The following CDH12 variants were observed in gnomAD, a reference collection of about 807,000 sequenced individuals.
The protein encoded by CDH12 is cadherin-12.
In CDH12, 41 loss-of-function variants were observed where a neutral mutation model predicts 74.1. The ratio of observed to expected loss-of-function variants is 0.55; its 90% CI spans 0.43 to 0.72. CDH12 has a LOEUF of 0.72. Ranked by LOEUF, CDH12 falls within the 30% of genes least tolerant of loss-of-function variation. CDH12 has a pLI of 0.00. For missense variants in CDH12, 945 were observed against 977.2 expected, an observed-to-expected ratio of 0.97 and a Z score of 0.44; for synonymous variants, 399 against 355.0, an observed-to-expected ratio of 1.12 and a Z score of -1.39.
intron 4 of CDH12, among the ~76,000 whole-genome samples, chr5:22,166,356 T>C (rs1371708830): frequency 6.6e-6 from 1 of 152,202 alleles, no homozygotes; most frequent in East Asian, 1.9e-4. Flanking sequence ...TAGCTGTTCA[T>C]TTATATTGGA....
At chr5:22,188,806 G>A (rs1314867743) in intron 4 of CDH12, among the ~76,000 whole-genome samples, 5 of 152,158 alleles carry the variant, frequency 3.3e-5, no homozygotes, top group Admixed American at 6.5e-5. Flanking sequence ...TGGGAGGCAT[G>A]GATTCTGTAA....
At chr5:21,979,707 G>T (rs1757223593) in intron 5 of CDH12, among the ~76,000 whole-genome samples, 1 of 151,850 alleles carries the variant, frequency 6.6e-6, no homozygotes, top group African/African-American at 2.4e-5. Context: ...TTGGGAGAAG[G>T]AACAATTGAT....
At chr5:22,043,303 A>G (rs1739702444) in intron 5 of CDH12, among the ~76,000 whole-genome samples, 2 of 152,326 alleles carry the variant, frequency 1.3e-5, no homozygotes, top group South Asian at 2.1e-4. Context: ...ATGCAAATCA[A>G]TAAAGGTGAT....
At chr5:22,133,702 A>C (rs2150289822) in intron 4 of CDH12, among the ~76,000 whole-genome samples, 1 of 152,242 alleles carries the variant, frequency 6.6e-6, no homozygotes, top group East Asian at 1.9e-4. Flanking sequence ...TGGATAAGTA[A>C]AATGGTTAAA....
intron 1 of CDH12, among the ~76,000 whole-genome samples, chr5:22,519,947 TATAAA>T (rs1047552460): frequency 1.2e-4 from 19 of 152,192 alleles, no homozygotes; most frequent in African/African-American, 4.6e-4. Context: ...TATTCGTTCT[TATAAA>T]ATAATAGACT....
intron 1 of CDH12, among the ~76,000 whole-genome samples, chr5:22,767,044 CTT>C (rs376409298): frequency 5.3e-5 from 8 of 152,022 alleles, no homozygotes; most frequent in East Asian, 1.9e-4. Context: ...TCAGAACACA[CTT>C]ATATACTTTT....
At chr5:22,466,776 C>CTTTTTTTTTT (rs70959733) in intron 2 of CDH12, among the ~76,000 whole-genome samples, 2 of 50,968 alleles carry the variant, frequency 3.9e-5, no homozygotes, top group Non-Finnish European at 6.6e-5. Context: ...CCTCAGGAAT[C>CTTTTTTTTTT]TTTTTTTTTT....
chr5:22,489,001 AT>A (rs1359704645), intron 2 of CDH12, among the ~76,000 whole-genome samples: 2 of 126,168 alleles, frequency 1.6e-5, no homozygotes, highest in East Asian at 2.4e-4. Context: ...TATGACAGCC[AT>A]TTTTTTTCTA....
intron 1 of CDH12, among the ~76,000 whole-genome samples, chr5:22,607,789 C>T (rs1006315986): frequency 1.3e-5 from 2 of 152,218 alleles, no homozygotes; most frequent in Non-Finnish European, 2.9e-5. Flanking sequence ...TCAAAGAGGC[C>T]AACGTACAGC....
chr5:22,523,156 T>C (rs1737125458), intron 1 of CDH12, among the ~76,000 whole-genome samples: 1 of 152,198 alleles, frequency 6.6e-6, no homozygotes, highest in Non-Finnish European at 1.5e-5. Flanking sequence ...TTCTTAGCTT[T>C]TCTTTATCTT....
intron 2 of CDH12, among the ~76,000 whole-genome samples, chr5:22,482,248 G>C (rs1048593337): frequency 2.0e-5 from 3 of 152,144 alleles, no homozygotes; most frequent in Non-Finnish European, 2.9e-5. Context: ...GGATTCTGAA[G>C]CATAATCCAG....
intron 1 of CDH12, among the ~76,000 whole-genome samples, chr5:22,803,334 A>C (rs1446778529): frequency 6.6e-6 from 1 of 152,156 alleles, no homozygotes; most frequent in East Asian, 1.9e-4. Flanking sequence ...GAATTCAGTA[A>C]AATTTCTAAA....
In CDH12 at chr5:22,287,654, C is replaced by T. The variant is rs1343466353; in HGVS notation, c.-332-75011G>A. On this transcript the variant is annotated intron_variant, in intron 3 of 14. Transcript: ENST00000382254. ...AGGAGAATGGCGTGAACCTGGGAGG[C>T]GGAGCTTGCAGTGAGCCGAGATTGC... Among the ~76,000 whole-genome samples, 8 of 144,574 alleles carry T rather than the reference C, an allele frequency of 5.5e-5. 1 individual carries two copies. In the East Asian group the frequency reaches 1.3e-3, roughly 23 times the overall value. The allele number at this position is 144,574 out of a possible 152,430, so 94.8% of individuals were successfully genotyped here. A position where few individuals can be genotyped will look rare whatever the true frequency, so the allele number is the denominator to read the frequency against.
chr5:22,415,758 TG>T (rs1177235707), intron 2 of CDH12, among the ~76,000 whole-genome samples: 3 of 152,184 alleles, frequency 2.0e-5, no homozygotes, highest in Admixed American at 6.5e-5. Flanking sequence ...CAAGTTTTAC[TG>T]ATACAAAAAT....
chr5:22,575,437 A>C (rs1293986975), intron 1 of CDH12, among the ~76,000 whole-genome samples: 6 of 151,872 alleles, frequency 4.0e-5, no homozygotes, highest in African/African-American at 1.5e-4. Flanking sequence ...CTATCACCCA[A>C]GCTGGAGGGC....
rs534471324 is a variant in CDH12, at chr5:21,835,517, A to C, written c.814+6644T>G. On this transcript the variant is annotated intron_variant, in intron 8 of 14. Transcript: ENST00000382254. ...GGTGTGTTTTTATATGGTAAAATGT[A>C]ACTGTCAAAATTCAATTAGCTTTTC... Among the ~76,000 whole-genome samples the C allele has an allele frequency of 5.8e-3, 881 of 151,874 alleles. 9 individuals are homozygous for C. Among genetic ancestry groups the C allele is most frequent in the Non-Finnish European group, 8.2e-3 (556 of 67,862 alleles).
At chr5:21,954,241 T>C (rs1351147528) in intron 6 of CDH12, among the ~76,000 whole-genome samples, 1 of 152,084 alleles carries the variant, frequency 6.6e-6, no homozygotes, top group Non-Finnish European at 1.5e-5. Flanking sequence ...TCCAAAACTT[T>C]TGGGATTTCT....
intron 3 of CDH12, among the ~76,000 whole-genome samples, chr5:22,299,226 G>A (rs1372368076): frequency 6.6e-6 from 1 of 152,148 alleles, no homozygotes; most frequent in Non-Finnish European, 1.5e-5. Context: ...AATGTAGTTA[G>A]AGAAGTTGGT....
At chr5:22,750,677 T>A in intron 1 of CDH12, among the ~76,000 whole-genome samples, 1 of 152,114 alleles carries the variant, frequency 6.6e-6, no homozygotes, top group Non-Finnish European at 1.5e-5. Context: ...GTGTTTAGTT[T>A]TGGGATACTG....
Sources: gnomAD v4.1 joint callset for allele counts (sites outside exome capture counted in the v4.1 genomes callset) on GRCh38, gnomAD v4.1.1 for gene constraint, MANE v1.5 for transcripts, NCBI Gene and HGNC (gene_info 2026-07-23, HGNC 2026-07-21) for gene names.